ASB3: variants seen among roughly 807,000 people sequenced by gnomAD.
The protein encoded by ASB3 is ankyrin repeat and SOCS box protein 3.
Under a neutral mutation model 54.5 loss-of-function variants are expected in ASB3, and 41 were observed. The observed-to-expected ratio is 0.75, with a 90% CI of 0.59 to 0.98. The LOEUF (loss-of-function observed/expected upper bound fraction) is 0.98, where lower values mean the gene tolerates loss of function less well. ASB3 is among the 50% of genes least tolerant of loss of function. ASB3 has a pLI of 0.00. For missense variants in ASB3, 733 were observed against 620.0 expected, an observed-to-expected ratio of 1.18 and a Z score of -1.94; for synonymous variants, 266 against 221.2, an observed-to-expected ratio of 1.20 and a Z score of -1.80.
chr2:53,696,969 C>G (rs752111271), intron 8 of ASB3, among the ~76,000 whole-genome samples: 4 of 152,108 alleles, frequency 2.6e-5, no homozygotes, highest in Admixed American at 2.0e-4. Flanking sequence ...ACCTATTGGG[C>G]TACATCCCCA....
intron 9 of ASB3, among the ~76,000 whole-genome samples, chr2:53,675,249 C>G (rs543502020): frequency 6.6e-6 from 1 of 152,154 alleles, no homozygotes; most frequent in African/African-American, 2.4e-5. Flanking sequence ...TGATTACACA[C>G]TAAATTAGTA....
intron 1 of ASB3, among the ~76,000 whole-genome samples, chr2:53,783,858 C>A (rs966168042): frequency 6.6e-6 from 1 of 152,052 alleles, no homozygotes. Context: ...TAGTTATACC[C>A]CTACAAGGTG....
intron 9 of ASB3, among the ~76,000 whole-genome samples, chr2:53,688,234 G>T (rs1383312885): frequency 6.6e-6 from 1 of 152,208 alleles, no homozygotes; most frequent in Non-Finnish European, 1.5e-5. Context: ...CGAAAAACCA[G>T]TGTCTTAATA....
At chr2:53,785,710 C>T (rs1346560808) in intron 1 of ASB3, among the ~76,000 whole-genome samples, 3 of 152,144 alleles carry the variant, frequency 2.0e-5, no homozygotes, top group Non-Finnish European at 2.9e-5. Context: ...TGTAGCGGCG[C>T]GCGCCTGTAA....
chr2:53,753,289 A>G (rs1253437204), intron 2 of ASB3, among the ~76,000 whole-genome samples: 1 of 152,206 alleles, frequency 6.6e-6, no homozygotes, highest in Admixed American at 6.5e-5. Context: ...CTAGGAGTAG[A>G]GATTAACAAT....
At chr2:53,691,513 G>A (rs922264144) in intron 9 of ASB3, among the ~76,000 whole-genome samples, 2 of 152,054 alleles carry the variant, frequency 1.3e-5, no homozygotes, top group Admixed American at 6.6e-5. Flanking sequence ...GGAGGAAGAG[G>A]GGTAAAAGCA....
intron 2 of ASB3, among the ~76,000 whole-genome samples, chr2:53,762,551 G>C (rs1160597680): frequency 1.3e-5 from 2 of 152,182 alleles, no homozygotes; most frequent in Non-Finnish European, 2.9e-5. Context: ...CTATGAGCTA[G>C]ATCATTTATT....
intron 6 of ASB3, among the ~76,000 whole-genome samples, 161 bp downstream of exon 6, chr2:53,716,405 A>G (rs943595375): frequency 2.6e-5 from 4 of 152,170 alleles, no homozygotes; most frequent in Non-Finnish European, 5.9e-5. Flanking sequence ...GGAGCAAAAG[A>G]CAGCATGAAG....
intron 3 of ASB3, among the ~76,000 whole-genome samples, chr2:53,731,213 A>G (rs1671291781): frequency 6.6e-6 from 1 of 152,158 alleles, no homozygotes; most frequent in Non-Finnish European, 1.5e-5. Flanking sequence ...CATCCTGGCT[A>G]ACATGGTGAA....
chr2:53,734,413 A>ACC (rs924252439), intron 3 of ASB3, among the ~76,000 whole-genome samples: 1 of 151,976 alleles, frequency 6.6e-6, no homozygotes, highest in African/African-American at 2.4e-5. Flanking sequence ...CCACTGAACT[A>ACC]CCCCCAAAGA....
intron 1 of ASB3, among the ~76,000 whole-genome samples, chr2:53,766,228 G>T (rs1447842857): frequency 6.6e-6 from 1 of 152,080 alleles, no homozygotes; most frequent in East Asian, 1.9e-4. Context: ...GATGAGCCCG[G>T]TTTTCCTACA....
chr2:53,686,562 G>T (rs890390553), intron 9 of ASB3, among the ~76,000 whole-genome samples: 1 of 152,008 alleles, frequency 6.6e-6, no homozygotes, highest in Non-Finnish European at 1.5e-5. Flanking sequence ...TTTTAGACAG[G>T]AACCTAGTAA....
intron 9 of ASB3, among the ~76,000 whole-genome samples, chr2:53,686,116 G>A (rs1668618501): frequency 6.6e-6 from 1 of 152,136 alleles, no homozygotes; most frequent in Admixed American, 6.5e-5. Context: ...GAAGTATCAT[G>A]GAAGAAGCCT....
chr2:53,717,302 C>A (rs1428902048), intron 5 of ASB3, among the ~76,000 whole-genome samples: 3 of 152,098 alleles, frequency 2.0e-5, no homozygotes, highest in African/African-American at 7.2e-5. Context: ...CTAATTGATT[C>A]AGGCTAAGAT....
intron 9 of ASB3, among the ~76,000 whole-genome samples, chr2:53,693,020 G>A (rs566963968): frequency 2.6e-5 from 4 of 152,080 alleles, no homozygotes; most frequent in African/African-American, 4.8e-5. Flanking sequence ...TTACTTAAAT[G>A]TAATTTTCCA....
chr2:53,671,351 AGCGTGTGT>A (rs1667803134), intron 9 of ASB3, among the ~76,000 whole-genome samples: 2 of 115,036 alleles, frequency 1.7e-5, no homozygotes, highest in African/African-American at 6.6e-5. Context: ...CTGAACCCAA[AGCGTGTGT>A]GTGTGTGTGT....
chr2:53,705,086 T>G (rs1432506483), intron 7 of ASB3, among the ~76,000 whole-genome samples: 1 of 152,208 alleles, frequency 6.6e-6, no homozygotes, highest in African/African-American at 2.4e-5. Flanking sequence ...CCTTAAAGTT[T>G]GCTATGTTCT....
At chr2:53,715,971 T>G (rs1166811345) in intron 6 of ASB3, among the ~76,000 whole-genome samples, 1 of 152,172 alleles carries the variant, frequency 6.6e-6, no homozygotes, top group East Asian at 1.9e-4. Flanking sequence ...TTATGATAGG[T>G]AGCCATATTC....
At chr2:53,723,394 C>T (rs533990406) in intron 5 of ASB3, among the ~76,000 whole-genome samples, 1 of 152,092 alleles carries the variant, frequency 6.6e-6, no homozygotes, top group East Asian at 1.9e-4. Context: ...TGAGAAAGTT[C>T]TTTAGTGGTG....
Sources: gnomAD v4.1 joint callset for allele counts (sites outside exome capture counted in the v4.1 genomes callset) on GRCh38, gnomAD v4.1.1 for gene constraint, MANE v1.5 for transcripts, NCBI Gene and HGNC (gene_info 2026-07-23, HGNC 2026-07-21) for gene names.